The following SHROOM2 variants were observed in gnomAD, a reference collection of about 807,000 sequenced individuals.
The protein encoded by SHROOM2 is shroom family member 2.
A neutral mutation model predicts 75.9 loss-of-function variants in SHROOM2; 33 were observed. The observed-to-expected ratio is 0.43, with a 90% CI of 0.33 to 0.58. SHROOM2 has a LOEUF of 0.58. Ranked by LOEUF, SHROOM2 falls within the 20% of genes least tolerant of loss-of-function variation. SHROOM2 has a pLI of 0.04. For synonymous variants in SHROOM2, 655 were observed against 663.6 expected (o/e 0.99, Z 0.20); for missense variants, 1,434 against 1,461.2 (o/e 0.98, Z 0.30).
At chrX:9,830,622 A>G (rs1207099827) in intron 1 of SHROOM2, among the ~76,000 whole-genome samples, 4 of 50,058 alleles carry the variant, frequency 8.0e-5, no homozygotes, top group African/African-American at 3.3e-4. Context: ...TTTTTTTGAG[A>G]CAGAGTTTCA....
intron 5 of SHROOM2, among the ~76,000 whole-genome samples, chrX:9,905,541 G>A (rs1601981113): frequency 8.8e-6 from 1 of 113,269 alleles, no homozygotes; most frequent in Admixed American, 9.3e-5. Context: ...GCCGGAGGGC[G>A]AGGGAGGACT....
intron 1 of SHROOM2, among the ~76,000 whole-genome samples, chrX:9,829,144 C>T (rs887788012): frequency 8.9e-6 from 1 of 112,202 alleles, no homozygotes; most frequent in Non-Finnish European, 1.9e-5. Context: ...CTGCCTCAGC[C>T]TCCTGAGTAG....
intron 1 of SHROOM2, chrX:9,819,392 G>T: frequency 2.2e-6 from 1 of 446,023 alleles, no homozygotes; most frequent in Non-Finnish European, 4.0e-6. Context: ...CATTTCCTTT[G>T]CCCTCAACCT....
At chrX:9,805,264 T>A (rs1470067002) in intron 1 of SHROOM2, among the ~76,000 whole-genome samples, 1 of 111,301 alleles carries the variant, frequency 9.0e-6, no homozygotes, top group African/African-American at 3.3e-5. Context: ...AATAAAAAAA[T>A]AAAAGAATCC....
At chrX:9,908,682 C>T (rs1198734536) in intron 5 of SHROOM2, among the ~76,000 whole-genome samples, 1 of 110,790 alleles carries the variant, frequency 9.0e-6, no homozygotes, top group Non-Finnish European at 1.9e-5. Flanking sequence ...CTAGGCCAGG[C>T]ACAGGGGCTC....
At position 9,937,356 on chromosome X, in the gene SHROOM2, C is replaced by T. The variant is rs141261555; in HGVS notation, c.3810C>T (p.Pro1270=). 5.4e-5 allele frequency: 65 copies of T among 1,202,199 alleles called. 1 individual carries two copies. In the Middle Eastern group the frequency reaches 3.2e-3, roughly 60 times the overall value. ...TGTACACGCGGCAGGGTGCTGAGCC[C>T]GAGGCCCCACATAGGGCCCAGCCGG... ...FCLYTRQGAE[P]EAPHRAQPAE... Residue 1270 remains proline, a synonymous_variant, in exon 7 of 10, where the codon CCC becomes CCT. Coordinates refer to ENST00000380913, the MANE Select transcript of SHROOM2 (RefSeq NM_001649.4).
chrX:9,820,061 A>G (rs1335189160), intron 1 of SHROOM2, among the ~76,000 whole-genome samples: 1 of 109,386 alleles, frequency 9.1e-6, no homozygotes, highest in Non-Finnish European at 1.9e-5. Context: ...TAGGCCTCCC[A>G]AAGTGTTGGG....
intron 5 of SHROOM2, among the ~76,000 whole-genome samples, chrX:9,903,524 C>T (rs1162810191): frequency 9.0e-6 from 1 of 111,413 alleles, no homozygotes; most frequent in Non-Finnish European, 1.9e-5. Flanking sequence ...ATGGGTCTAG[C>T]GGACTTCCCT....
intron 1 of SHROOM2, among the ~76,000 whole-genome samples, chrX:9,794,173 C>T (rs2083682337): frequency 9.0e-6 from 1 of 111,491 alleles, no homozygotes; most frequent in African/African-American, 3.3e-5. Context: ...GAAGAAGGGA[C>T]CCCAGGGTGG....
rs773937047 is a variant in SHROOM2, at chrX:9,893,145, C to A, written c.450-1213C>A. 6.2e-4 allele frequency among the ~76,000 whole-genome samples: 69 copies of A among 111,254 alleles called. 1 individual carries two copies. The highest frequency in any genetic ancestry group is 2.1e-3 in the African/African-American group (65 of 30,558). On this transcript the variant is annotated intron_variant, in intron 3 of 9. Coordinates refer to ENST00000380913, the MANE Select transcript of SHROOM2 (RefSeq NM_001649.4). Reference sequence around the variant, plus strand: ...TGAAACAGGGTTTTACTCCATTGCCCAGGCTGGAGTGCAGTGGCGCAGTCA... The same window carrying A: ...TGAAACAGGGTTTTACTCCATTGCCAAGGCTGGAGTGCAGTGGCGCAGTCA...
intron 1 of SHROOM2, among the ~76,000 whole-genome samples, chrX:9,867,321 G>A (rs766389336): frequency 9.0e-6 from 1 of 111,464 alleles, no homozygotes; most frequent in South Asian, 3.8e-4. Flanking sequence ...CTTTGGGTCT[G>A]TGAGTGCCCA....
intron 5 of SHROOM2, among the ~76,000 whole-genome samples, chrX:9,931,408 G>A (rs1045641007): frequency 3.6e-5 from 4 of 111,331 alleles, no homozygotes; most frequent in East Asian, 2.9e-4. Flanking sequence ...TAGCTACTCC[G>A]CAGGCAGGCA....
At chrX:9,917,803 G>A (rs1027017492) in intron 5 of SHROOM2, among the ~76,000 whole-genome samples, 3 of 112,200 alleles carry the variant, frequency 2.7e-5, no homozygotes, top group South Asian at 3.7e-4. Flanking sequence ...GATTACAGGC[G>A]TGAGCCACCA....
At chrX:9,920,266 T>C (rs1281343519) in intron 5 of SHROOM2, among the ~76,000 whole-genome samples, 1 of 112,475 alleles carries the variant, frequency 8.9e-6, no homozygotes, top group African/African-American at 3.2e-5. Context: ...GTCACTGAGT[T>C]TTATGGTCTG....
rs1035308789 is a variant in SHROOM2 at position 9,947,640 on chromosome X, G to A, written c.*703G>A. ...AAAAACACAGTCACGCACCAAGCAG[G>A]CAAATAGCTTTAGTCCTTCTCACCT... On this transcript the variant is annotated 3_prime_UTR_variant, in exon 10 of 10. Transcript: ENST00000380913. 17 of 112,370 alleles carry A rather than the reference G, an allele frequency of 1.5e-4. No individual in the cohort carries two copies. Among genetic ancestry groups the A allele is most frequent in the Admixed American group, 6.6e-4 (7 of 10,581 alleles). The allele number at this position is 112,370 out of a possible 1,213,427, so 9.3% of individuals were successfully genotyped here.
chrX:9,905,024 C>CA (rs1373928043), intron 5 of SHROOM2, among the ~76,000 whole-genome samples: 2 of 111,896 alleles, frequency 1.8e-5, no homozygotes, highest in African/African-American at 6.5e-5. Flanking sequence ...ATTAAAAAAA[C>CA]AAAAAAAGTT....
At chrX:9,823,178 TCTTCTC>T (rs1192644260) in intron 1 of SHROOM2, among the ~76,000 whole-genome samples, 3 of 29,499 alleles carry the variant, frequency 1.0e-4, no homozygotes, top group Non-Finnish European at 1.4e-4. Flanking sequence ...TTCTTCTTCT[TCTTCTC>T]CTCCTCCTCC....
intron 1 of SHROOM2, among the ~76,000 whole-genome samples, chrX:9,792,910 A>C (rs185745881): frequency 2.7e-5 from 3 of 111,037 alleles, no homozygotes; most frequent in African/African-American, 9.8e-5. Context: ...GGGTTTCACC[A>C]TGGTAGCCAG....
chrX:9,787,505 T>C (rs1322030125), intron 1 of SHROOM2, among the ~76,000 whole-genome samples: 2 of 112,648 alleles, frequency 1.8e-5, no homozygotes, highest in African/African-American at 6.4e-5. Flanking sequence ...GGTCATTTTC[T>C]CTGGGAAGGG....
Sources: allele counts gnomAD v4.1 joint callset (sites outside exome capture counted in the v4.1 genomes callset), GRCh38; gene constraint gnomAD v4.1.1; transcripts MANE v1.5; gene names NCBI Gene and HGNC (gene_info 2026-07-23, HGNC 2026-07-21).